The following MBD5 variants were observed in gnomAD, a reference collection of about 807,000 sequenced individuals.
MBD5 encodes the protein methyl-CpG binding domain protein 5.
A neutral mutation model predicts 117.3 loss-of-function variants in MBD5; 13 were observed. The observed-to-expected ratio is 0.11, with a 90% CI of 0.07 to 0.18. The LOEUF (loss-of-function observed/expected upper bound fraction) is 0.18. MBD5 is among the 10% of genes least tolerant of loss of function. The pLI, the probability that MBD5 is intolerant of heterozygous loss-of-function variation, is 1.00. For synonymous variants in MBD5, 727 were observed against 766.4 expected, an observed-to-expected ratio of 0.95 and a Z score of 0.85; for missense variants, 1,879 against 2,093.8, an observed-to-expected ratio of 0.90 and a Z score of 2.00.
At chr2:148,206,234 A>T (rs1329170127) in intron 2 of MBD5, among the ~76,000 whole-genome samples, 1 of 152,140 alleles carries the variant, frequency 6.6e-6, no homozygotes, top group Non-Finnish European at 1.5e-5. Flanking sequence ...CAGAATGAAG[A>T]ACAATTCTTT....
At chr2:148,467,668 AG>A (rs1185645950) in intron 7 of MBD5, among the ~76,000 whole-genome samples, 3 of 152,186 alleles carry the variant, frequency 2.0e-5, no homozygotes, top group Admixed American at 6.5e-5. Context: ...AGCATGGGTT[AG>A]TTTGCAATAT....
At chr2:148,388,708 G>A (rs1252105470) in intron 4 of MBD5, among the ~76,000 whole-genome samples, 1 of 152,104 alleles carries the variant, frequency 6.6e-6, no homozygotes, top group Non-Finnish European at 1.5e-5. Context: ...CTGCATTCTT[G>A]CTGTCTTCTC....
chr2:148,457,256 A>G (rs146964338), intron 4 of MBD5, among the ~76,000 whole-genome samples: 90 of 152,232 alleles, frequency 5.9e-4, no homozygotes, highest in African/African-American at 2.1e-3. Flanking sequence ...AATATTTATC[A>G]CAAACCACAA....
At chr2:148,445,604 A>C (rs1256363596) in intron 4 of MBD5, among the ~76,000 whole-genome samples, 2 of 151,204 alleles carry the variant, frequency 1.3e-5, no homozygotes, top group East Asian at 1.9e-4. Flanking sequence ...CATATGTGTA[A>C]ATGTATCTTT....
At chr2:148,386,494 G>A (rs973444361) in intron 4 of MBD5, among the ~76,000 whole-genome samples, 21 of 151,872 alleles carry the variant, frequency 1.4e-4, no homozygotes, top group African/African-American at 4.3e-4. Flanking sequence ...CGAGGCGGGC[G>A]GATCACGAGG....
intron 2 of MBD5, among the ~76,000 whole-genome samples, chr2:148,180,356 ATATATG>A (rs979230328): frequency 1.7e-5 from 2 of 118,450 alleles, no homozygotes; most frequent in East Asian, 2.5e-4. Flanking sequence ...ATATATATAT[ATATATG>A]TATATATGTA....
chr2:148,426,726 A>G (rs187803427), intron 4 of MBD5, among the ~76,000 whole-genome samples: 125 of 152,314 alleles, frequency 8.2e-4, no homozygotes, highest in African/African-American at 2.9e-3. Flanking sequence ...AATACCATTC[A>G]GGACATAGAC....
intron 1 of MBD5, among the ~76,000 whole-genome samples, chr2:148,084,260 T>C (rs1695722718): frequency 6.6e-6 from 1 of 152,216 alleles, no homozygotes. Flanking sequence ...TTGTGACATG[T>C]CTAGTTAGAA....
chr2:148,276,124 C>T (rs916011179), intron 3 of MBD5, among the ~76,000 whole-genome samples: 3 of 152,056 alleles, frequency 2.0e-5, no homozygotes, highest in Admixed American at 2.0e-4. Flanking sequence ...CTAGCCTAGA[C>T]ACCAAAGCAA....
intron 1 of MBD5, among the ~76,000 whole-genome samples, chr2:148,140,209 T>TAA (rs1351866131): frequency 6.6e-6 from 1 of 152,202 alleles, no homozygotes; most frequent in African/African-American, 2.4e-5. Context: ...TAAGTGTATA[T>TAA]AATGAAAAGC....
rs1701859564 is a variant in MBD5, at chr2:148,305,033, C to T, written c.-679-37181C>T. On this transcript the variant is annotated intron_variant, in intron 3 of 13. Coordinates refer to ENST00000642680, the MANE Select transcript of MBD5 (RefSeq NM_001378120.1). ...TGAGCCGAGATCCCGCCACTGCACT[C>T]CAGCCTGGGCGACAGAGCGAGACTC... 2.6e-5 allele frequency among the ~76,000 whole-genome samples: 4 copies of T among 151,366 alleles called. No homozygotes were observed. The South Asian group carries it at 8.4e-4, about 32-fold the overall frequency.
chr2:148,491,962 T>G (rs1210897185), intron 11 of MBD5, among the ~76,000 whole-genome samples: 3 of 151,882 alleles, frequency 2.0e-5, no homozygotes, highest in African/African-American at 4.8e-5. Context: ...TACCAAAAGC[T>G]TAACTAAAAA....
At chr2:148,060,317 A>G (rs981228307) in intron 1 of MBD5, among the ~76,000 whole-genome samples, 2 of 151,722 alleles carry the variant, frequency 1.3e-5, no homozygotes, top group Admixed American at 6.6e-5. Context: ...CTCAAAGAAA[A>G]AGGAAAAGAA....
chr2:148,027,943 A>T (rs1381112976), intron 1 of MBD5: 1 of 152,108 alleles, frequency 6.6e-6, no homozygotes, highest in East Asian at 1.9e-4. Flanking sequence ...ATTCAGTTAA[A>T]AGTAAATATT....
intron 12 of MBD5, among the ~76,000 whole-genome samples, chr2:148,506,307 A>C (rs954680706): frequency 1.1e-4 from 16 of 152,248 alleles, no homozygotes; most frequent in Admixed American, 9.8e-4. Flanking sequence ...TTTTCATTTA[A>C]GCGAGGAGCA....
At chr2:148,229,154 T>C (rs1259205533) in intron 2 of MBD5, among the ~76,000 whole-genome samples, 1 of 151,982 alleles carries the variant, frequency 6.6e-6, no homozygotes, top group Non-Finnish European at 1.5e-5. Flanking sequence ...TTTTGCAGCC[T>C]GCTTTGCTTC....
In MBD5 at chr2:148,117,189, G is replaced by GA. The variant is rs532416866; in HGVS notation, c.-924-61505dup. Among the ~76,000 whole-genome samples, 19 of 151,978 alleles carry GA rather than the reference G, an allele frequency of 1.3e-4. No individual in the cohort carries two copies. The South Asian group carries it at 4.0e-3, about 32-fold the overall frequency. ...AAAGCAATTACCCATAAGAGAAGCT[G>GA]AAAAAAGGCATCTCTAGAATGTGGA... On this transcript the variant is annotated intron_variant, in intron 1 of 13. Coordinates refer to ENST00000642680, the MANE Select transcript of MBD5 (RefSeq NM_001378120.1).
intron 2 of MBD5, among the ~76,000 whole-genome samples, chr2:148,182,322 T>C (rs1698552213): frequency 6.6e-6 from 1 of 152,188 alleles, no homozygotes; most frequent in Non-Finnish European, 1.5e-5. Context: ...ATTAATGTTA[T>C]GTATTATATG....
chr2:148,318,449 A>G (rs1702206004), intron 3 of MBD5, among the ~76,000 whole-genome samples: 2 of 151,950 alleles, frequency 1.3e-5, no homozygotes, highest in Admixed American at 1.3e-4. Flanking sequence ...GATGTGCAGA[A>G]TCTTTTTAGT....
Sources: allele counts gnomAD v4.1 joint callset (sites outside exome capture counted in the v4.1 genomes callset), GRCh38; gene constraint gnomAD v4.1.1; transcripts MANE v1.5; gene names NCBI Gene and HGNC (gene_info 2026-07-23, HGNC 2026-07-21).